Variants in KIF15 observed in about 807,000 individuals in gnomAD.
KIF15 encodes the protein kinesin family member 15.
KIF15 carries 140 observed loss-of-function variants against 190.6 expected under a neutral mutation model. That is an observed-to-expected ratio of 0.73 (90% CI 0.64 to 0.84). KIF15 has a LOEUF of 0.84. Ranked by LOEUF, KIF15 falls within the 40% of genes least tolerant of loss-of-function variation. The probability of loss-of-function intolerance (pLI) is 0.00; values close to 1 mark genes in which losing one functional copy is unlikely to be tolerated. For missense variants in KIF15, 1,372 were observed against 1,584.4 expected, an observed-to-expected ratio of 0.87 and a Z score of 2.28; for synonymous variants, 528 against 551.3, an observed-to-expected ratio of 0.96 and a Z score of 0.59.
chr3:44,797,229 A>G (rs943980678), intron 8 of KIF15, among the ~76,000 whole-genome samples: 5 of 152,042 alleles, frequency 3.3e-5, no homozygotes, highest in Non-Finnish European at 5.9e-5. Context: ...GGGTTTTGCC[A>G]TGTTGCCCAG....
At chr3:44,785,984 G>A (rs952651390) in intron 6 of KIF15, among the ~76,000 whole-genome samples, 3 of 152,100 alleles carry the variant, frequency 2.0e-5, no homozygotes, top group Non-Finnish European at 4.4e-5. Context: ...ACTTTGGGAG[G>A]CCGAGGCAAA....
rs752657652 is a variant in KIF15, at chr3:44,815,096, G to GT, written c.2549+23dup. On this transcript the variant is annotated intron_variant, in intron 20 of 34. Coordinates refer to ENST00000326047, the MANE Select transcript of KIF15 (RefSeq NM_020242.3). Reference sequence around the variant, plus strand: ...TCTCAGGTAGAGTTGTTCTTTTATGGTTTCAAGTTGCCTGATTGGCTGTAA... The same window carrying GT: ...TCTCAGGTAGAGTTGTTCTTTTATGGTTTTCAAGTTGCCTGATTGGCTGTAA... 1 of 1,531,988 alleles carries GT rather than the reference G, an allele frequency of 6.5e-7. No individual in the cohort carries two copies. Among genetic ancestry groups the GT allele is most frequent in the South Asian group, 1.3e-5 (1 of 77,240 alleles). 94.9% of individuals were successfully genotyped at this position (1,531,988 alleles called of 1,614,324 possible).
chr3:44,785,968 C>A (rs995767253), intron 6 of KIF15, among the ~76,000 whole-genome samples: 1 of 152,176 alleles, frequency 6.6e-6, no homozygotes, highest in African/African-American at 2.4e-5. Context: ...CGCCTGTAAT[C>A]CCAGCACTTT....
chr3:44,861,903 A>T, intron 6 of KIF15: 1 of 1,487,702 alleles, frequency 6.7e-7, no homozygotes, highest in East Asian at 2.9e-5. Flanking sequence ...AGCGGGTGCC[A>T]GGCACGGTGT....
Position 44,848,028 on chromosome 3 carries a change from GAAGA to G in KIF15, c.3743_3746del (p.Glu1248ValfsTer11). ...TAATCAACAGCTGAAGAATGAACAA[GAAGA>G]AAGTATCAAAGAAAGACTTGCAAAA... On this transcript the variant is annotated frameshift_variant, in exon 31 of 35. Transcript: ENST00000326047. LOFTEE classifies it high-confidence loss of function. The G allele has an allele frequency of 1.9e-6, 3 of 1,611,116 alleles. No individual in the cohort carries two copies. The highest frequency in any genetic ancestry group is 1.1e-5 in the South Asian group (1 of 90,556).
chr3:44,855,847 A>G (rs963980041), downstream of KIF15, among the ~76,000 whole-genome samples: 1 of 152,194 alleles, frequency 6.6e-6, no homozygotes, highest in African/African-American at 2.4e-5. Context: ...CCAATTAGAG[A>G]GCATCCAAGG....
At chr3:44,809,170 A>G (rs1707667384) in intron 16 of KIF15, among the ~76,000 whole-genome samples, 1 of 152,236 alleles carries the variant, frequency 6.6e-6, no homozygotes, top group Admixed American at 6.5e-5. Context: ...TCTGATGGGT[A>G]AAAAATGAGA....
rs936284136 is a variant in KIF15, at chr3:44,801,819, T to C, written c.1354T>C (p.Phe452Leu). 1.2e-6 allele frequency: 2 copies of C among 1,608,702 alleles called. No homozygotes were observed. The highest frequency in any genetic ancestry group is 1.7e-5 in the Admixed American group (1 of 59,900). Residue 452 changes from phenylalanine to leucine, a missense_variant, in exon 13 of 35, where the codon TTT (phenylalanine) becomes CTT (leucine). Coordinates refer to ENST00000326047, the MANE Select transcript of KIF15 (RefSeq NM_020242.3). ...AGACCTCACCCTCAAAAAGGAAAAA[T>C]TTATTCAATCTAATAAAATGATTGT... is the stretch of plus-strand genomic sequence containing the variant. ...LEDLTLKKEK[F>L]IQSNKMIVKF... is the part of the protein sequence containing the mutation.
In KIF15 at chr3:44,800,337, A is replaced by G. The variant is rs750837457; in HGVS notation, c.1122A>G (p.Gln374=). ...KNKAVVNEDT[Q]GNVSQLQAEV... Reference sequence around the variant, plus strand: ...AGGCAGTAGTAAATGAAGACACCCAAGGAAATGTGAGCCAGCTCCAAGCTG... The same window carrying G: ...AGGCAGTAGTAAATGAAGACACCCAGGGAAATGTGAGCCAGCTCCAAGCTG... Residue 374 remains glutamine, a synonymous_variant, in exon 11 of 35, where the codon CAA becomes CAG. Coordinates refer to ENST00000326047, the MANE Select transcript of KIF15 (RefSeq NM_020242.3). 2.2e-5 allele frequency: 36 copies of G among 1,614,080 alleles called. No homozygotes were observed. The South Asian group carries it at 3.7e-4, about 17-fold the overall frequency.
At chr3:44,829,565 GTATATAT>G (rs1436614978) in intron 24 of KIF15, among the ~76,000 whole-genome samples, 7 of 108,234 alleles carry the variant, frequency 6.5e-5, no homozygotes, top group African/African-American at 3.2e-4. Context: ...TATTATATAT[GTATATAT>G]TATATATGTA....
At chr3:44,790,643 T>G (rs1018607451) in intron 7 of KIF15, among the ~76,000 whole-genome samples, 2 of 151,948 alleles carry the variant, frequency 1.3e-5, no homozygotes, top group Non-Finnish European at 2.9e-5. Flanking sequence ...CACTGAACAT[T>G]CTTTTGATTA....
intron 30 of KIF15, among the ~76,000 whole-genome samples, chr3:44,847,601 C>T (rs1306350985): frequency 6.6e-6 from 1 of 152,190 alleles, no homozygotes; most frequent in East Asian, 1.9e-4. Flanking sequence ...AAATGTGCCC[C>T]CTCCCAGCTG....
intron 26 of KIF15, among the ~76,000 whole-genome samples, chr3:44,835,171 G>A (rs1479925241): frequency 6.6e-6 from 1 of 152,054 alleles, no homozygotes; most frequent in South Asian, 2.1e-4. Context: ...TCTAAAGGGA[G>A]ACTTGGACAG....
chr3:44,768,299 A>T (rs1469234652), intron 1 of KIF15, among the ~76,000 whole-genome samples: 1 of 152,118 alleles, frequency 6.6e-6, no homozygotes, highest in Non-Finnish European at 1.5e-5. Context: ...AAAAGAAAAA[A>T]AAAACCACTG....
chr3:44,819,125 CT>C (rs199717117), intron 20 of KIF15, among the ~76,000 whole-genome samples: 2,831 of 151,894 alleles, frequency 0.019, 73 homozygotes, highest in African/African-American at 0.064. Flanking sequence ...CTATTTGATT[CT>C]TCTCTCTTTT....
At position 44,813,183 on chromosome 3, in the gene KIF15, A is replaced by AC; in HGVS notation, c.2383+3_2383+4insC. The stretch of plus-strand genomic sequence containing the variant: ...AGAGACTCAAACTAAAAATGACTGT[A>AC]AGTTATTCTATCAGGAGCTTTGTGA... On this transcript the variant is annotated splice_donor_region_variant and intron_variant, in intron 19 of 34. Transcript: ENST00000326047. 1 of 1,526,306 alleles carries AC rather than the reference A, an allele frequency of 6.6e-7. No individual in the cohort carries two copies. Among genetic ancestry groups the AC allele is most frequent in the Non-Finnish European group, 9.0e-7 (1 of 1,112,242 alleles). The allele number at this position is 1,526,306 out of a possible 1,614,324, so 94.5% of individuals were successfully genotyped here.
At chr3:44,763,494 G>A (rs547555150) in intron 1 of KIF15, among the ~76,000 whole-genome samples, 4 of 151,898 alleles carry the variant, frequency 2.6e-5, no homozygotes, top group Non-Finnish European at 2.9e-5. Context: ...TAAAGCCGGG[G>A]TTTCACTGTG....
intron 24 of KIF15, 21 bp from the exon 25 acceptor site, chr3:44,829,950 T>C (rs924093870): frequency 6.9e-7 from 1 of 1,452,448 alleles, no homozygotes; most frequent in East Asian, 2.4e-5. Context: ...GGTATGAAGA[T>C]ATTATTTCTG....
rs74888477 is a variant in KIF15, at chr3:44,815,004, C to T, written c.2477C>T (p.Thr826Met). ...AAATTGGAATATAGTTCATTCAAAA[C>T]GAATCAGGAGAAAGAATTCAACAAA... Reference protein sequence around the residue: ...SVKLEYSSFKTNQEKEFNKLS... With the variant: ...SVKLEYSSFKMNQEKEFNKLS... Residue 826 changes from threonine to methionine, a missense_variant, in exon 20 of 35, where the codon ACG (threonine) becomes ATG (methionine). By Grantham distance (81) the Thr-to-Met change is moderately conservative (BLOSUM62 -1). Coordinates refer to ENST00000326047, the MANE Select transcript of KIF15 (RefSeq NM_020242.3). 9.3e-6 allele frequency: 15 copies of T among 1,612,636 alleles called. No individual in the cohort carries two copies. Among genetic ancestry groups the T allele is most frequent in the East Asian group, 4.5e-5 (2 of 44,784 alleles).
Sources: gnomAD v4.1 joint callset for allele counts (sites outside exome capture counted in the v4.1 genomes callset) on GRCh38, gnomAD v4.1.1 for gene constraint, MANE v1.5 for transcripts, NCBI Gene and HGNC (gene_info 2026-07-23, HGNC 2026-07-21) for gene names.